SGCD: variants seen among roughly 807,000 people sequenced by gnomAD.
SGCD encodes delta-sarcoglycan.
In SGCD, 18 loss-of-function variants were observed where a neutral mutation model predicts 36.6. The observed-to-expected ratio is 0.49, with a 90% CI of 0.34 to 0.73. The LOEUF is 0.73. Ranked by LOEUF, SGCD falls within the 30% of genes least tolerant of loss-of-function variation. The pLI is 0.01. For missense variants in SGCD, 387 were observed against 346.7 expected, an observed-to-expected ratio of 1.12 and a Z score of -0.92; for synonymous variants, 133 against 130.6, an observed-to-expected ratio of 1.02 and a Z score of -0.12.
chr5:155,797,922 T>C, the SGCD span, among the ~76,000 whole-genome samples: 1 of 152,176 alleles, frequency 6.6e-6, no homozygotes, highest in Non-Finnish European at 1.5e-5. Context: ...ACCAGTGAGA[T>C]TGTTGATCAT....
chr5:156,426,642 A>T (rs1379408534), intron 3 of SGCD, among the ~76,000 whole-genome samples: 1 of 152,018 alleles, frequency 6.6e-6, no homozygotes, highest in African/African-American at 2.4e-5. Flanking sequence ...TGCCTAAGCC[A>T]GTGTCTAGAA....
At position 156,759,436 on chromosome 5, in the gene SGCD, T is replaced by G. The variant is rs1757457536; in HGVS notation, c.*46T>G. The stretch of plus-strand genomic sequence containing the variant: ...TTGTTGGCAGCATAAAGGCCTTTTT[T>G]GGCTTTAGACACTGGCTGCCAGCTA... On this transcript the variant is annotated 3_prime_UTR_variant, in exon 9 of 9. Transcript: ENST00000337851. The G allele has an allele frequency of 7.0e-7, 1 of 1,430,800 alleles. No homozygotes were observed. The highest frequency in any genetic ancestry group is 9.5e-7 in the Non-Finnish European group (1 of 1,049,450). 88.6% of individuals were successfully genotyped at this position (1,430,800 alleles called of 1,614,324 possible). A position where few individuals can be genotyped will look rare whatever the true frequency, so the allele number is the denominator to read the frequency against.
intron 3 of SGCD, among the ~76,000 whole-genome samples, chr5:156,417,990 A>C (rs1009533548): frequency 6.6e-6 from 1 of 152,140 alleles, no homozygotes; most frequent in Non-Finnish European, 1.5e-5. Flanking sequence ...GGTTTGGGTG[A>C]CTTTCTTATC....
chr5:156,495,559 C>G (rs1323250733), intron 3 of SGCD, among the ~76,000 whole-genome samples: 1 of 152,124 alleles, frequency 6.6e-6, no homozygotes, highest in Non-Finnish European at 1.5e-5. Flanking sequence ...ATGAAGGAAT[C>G]TATTCTGGGA....
chr5:156,609,868 G>C (rs1214504407), intron 6 of SGCD, among the ~76,000 whole-genome samples: 3 of 152,118 alleles, frequency 2.0e-5, no homozygotes, highest in South Asian at 2.1e-4. Flanking sequence ...TCATCACATA[G>C]TTCTCGTGCC....
chr5:156,045,059 G>C (rs1759728514), intron 1 of SGCD, among the ~76,000 whole-genome samples: 1 of 152,150 alleles, frequency 6.6e-6, no homozygotes, highest in Non-Finnish European at 1.5e-5. Context: ...GTTATTCCAT[G>C]GCAGAAGTGC....
At chr5:156,151,058 T>C (rs1762822053) in intron 3 of SGCD, among the ~76,000 whole-genome samples, 1 of 151,748 alleles carries the variant, frequency 6.6e-6, no homozygotes, top group Admixed American at 6.6e-5. Context: ...GAGAGGAGCT[T>C]ATATCATTCA....
chr5:156,610,262 G>A (rs575163685), intron 6 of SGCD, among the ~76,000 whole-genome samples: 1 of 152,200 alleles, frequency 6.6e-6, no homozygotes, highest in South Asian at 2.1e-4. Context: ...CCTTCTAACA[G>A]TCAGGACCCT....
At chr5:156,078,047 GAATCCC>G in intron 1 of SGCD, among the ~76,000 whole-genome samples, 1 of 152,046 alleles carries the variant, frequency 6.6e-6, no homozygotes, top group African/African-American at 2.4e-5. Context: ...ATAACAAAAA[GAATCCC>G]TTCTTTTTGT....
chr5:156,236,040 AATCT>A (rs1256568794), intron 3 of SGCD, among the ~76,000 whole-genome samples: 2 of 152,246 alleles, frequency 1.3e-5, no homozygotes, highest in African/African-American at 4.8e-5. Context: ...TTGATGCTGT[AATCT>A]ATCCAATCTT....
intron 1 of SGCD, among the ~76,000 whole-genome samples, chr5:155,973,226 T>A (rs11135000): frequency 6.6e-6 from 1 of 152,078 alleles, no homozygotes; most frequent in East Asian, 1.9e-4. Context: ...TTTACCCACA[T>A]CCATTTGCAG....
At chr5:155,978,807 G>A (rs1318052840) in intron 1 of SGCD, among the ~76,000 whole-genome samples, 1 of 151,932 alleles carries the variant, frequency 6.6e-6, no homozygotes, top group Admixed American at 6.6e-5. Flanking sequence ...TGCAGGGGGA[G>A]GGGGGATATT....
At chr5:156,088,673 A>G (rs1581091927) in intron 1 of SGCD, among the ~76,000 whole-genome samples, 1 of 152,154 alleles carries the variant, frequency 6.6e-6, no homozygotes, top group South Asian at 2.1e-4. Context: ...CTAATTGTTT[A>G]TTAATATTAT....
intron 1 of SGCD, among the ~76,000 whole-genome samples, chr5:156,010,852 C>G (rs1459733897): frequency 6.6e-6 from 1 of 152,202 alleles, no homozygotes; most frequent in Non-Finnish European, 1.5e-5. Flanking sequence ...CCAAAGCTCA[C>G]ACTTTTACCT....
the SGCD span, among the ~76,000 whole-genome samples, chr5:155,764,365 C>G: frequency 3.7e-3 from 568 of 152,244 alleles, 3 homozygotes; most frequent in African/African-American, 0.013. Context: ...CATTTATTAT[C>G]AGGCTGAATT....
intron 1 of SGCD, among the ~76,000 whole-genome samples, chr5:156,089,905 T>C (rs1252147508): frequency 6.6e-6 from 1 of 152,132 alleles, no homozygotes; most frequent in Non-Finnish European, 1.5e-5. Flanking sequence ...AATTATTCCA[T>C]AGGCATCAGT....
intron 1 of SGCD, among the ~76,000 whole-genome samples, chr5:155,969,046 A>G (rs1757957918): frequency 6.6e-6 from 1 of 152,160 alleles, no homozygotes; most frequent in Admixed American, 6.6e-5. Flanking sequence ...TCTGTTATGT[A>G]TATACCACAA....
chr5:156,533,839 CCATAATGA>C (rs1286748096), intron 4 of SGCD, among the ~76,000 whole-genome samples: 1 of 152,090 alleles, frequency 6.6e-6, no homozygotes, highest in East Asian at 1.9e-4. Context: ...GTGCAAGAAC[CCATAATGA>C]TTCTCATTCC....
chr5:155,734,935 A>ACTTGTCT, the SGCD span, among the ~76,000 whole-genome samples: 1 of 152,176 alleles, frequency 6.6e-6, no homozygotes, highest in Non-Finnish European at 1.5e-5. Flanking sequence ...ACTGGAGTAT[A>ACTTGTCT]CTTGTCTGTT....
Sources: allele counts gnomAD v4.1 joint callset (sites outside exome capture counted in the v4.1 genomes callset), GRCh38; gene constraint gnomAD v4.1.1; transcripts MANE v1.5; gene names NCBI Gene and HGNC (gene_info 2026-07-23, HGNC 2026-07-21).